The following TRPM3 variants were observed in gnomAD, a reference collection of about 807,000 sequenced individuals.
TRPM3 encodes transient receptor potential cation channel subfamily M member 3.
Under a neutral mutation model 181.2 loss-of-function variants are expected in TRPM3, and 77 were observed. The ratio of observed to expected loss-of-function variants is 0.42; its 90% CI spans 0.35 to 0.51. The LOEUF is 0.51. TRPM3 is among the 20% of genes least tolerant of loss of function. The probability of loss-of-function intolerance (pLI) is 0.01; values close to 1 mark genes in which losing one functional copy is unlikely to be tolerated. For missense variants in TRPM3, 1,759 were observed against 2,196.7 expected (o/e 0.80, Z 3.98); for synonymous variants, 745 against 796.4 (o/e 0.94, Z 1.09).
intron 1 of TRPM3, among the ~76,000 whole-genome samples, chr9:71,232,586 C>A (rs1322931910): frequency 6.8e-6 from 1 of 147,290 alleles, no homozygotes; most frequent in African/African-American, 2.5e-5. Context: ...CTGCAACCTC[C>A]GCCTCCCAGG....
intron 1 of TRPM3, among the ~76,000 whole-genome samples, chr9:71,190,282 A>G (rs992160939): frequency 6.6e-6 from 1 of 151,870 alleles, no homozygotes; most frequent in Non-Finnish European, 1.5e-5. Flanking sequence ...CTACTGAACA[A>G]AGCAGGTCAG....
At chr9:71,373,344 T>G (rs2092578770) in intron 1 of TRPM3, among the ~76,000 whole-genome samples, 1 of 149,288 alleles carries the variant, frequency 6.7e-6, no homozygotes, top group African/African-American at 2.5e-5. Flanking sequence ...CAGGAGGTGG[T>G]TTTTTGAAAA....
In TRPM3 at chr9:70,756,314, C is replaced by CA. The variant is rs1471975316; in HGVS notation, c.1272+5286dup. ...TAACTATCCTAAATATATATGCACC[C>CA]AATACAGGAGCACCCAGATTCATAA... is the stretch of plus-strand genomic sequence containing the variant. On this transcript the variant is annotated intron_variant, in intron 8 of 25. Transcript: ENST00000677713. 5.3e-5 allele frequency among the ~76,000 whole-genome samples: 8 copies of CA among 151,790 alleles called. No individual in the cohort carries two copies. The East Asian group carries it at 1.6e-3, about 29-fold the overall frequency.
Position 71,207,879 on chromosome 9 carries a change from C to T in TRPM3, c.183+238774G>A, listed in dbSNP as rs376010229. Among the ~76,000 whole-genome samples, 3 of 152,200 alleles carry T rather than the reference C, an allele frequency of 2.0e-5. No individual in the cohort carries two copies. In the East Asian group the frequency reaches 5.8e-4, roughly 29 times the overall value. On this transcript the variant is annotated intron_variant, in intron 1 of 24. Coordinates refer to the TRPM3 transcript ENST00000357533. ...CTTGGCCCCATACAGCTTAACTTCA[C>T]TTTTATTTTTTTCCTTAACTGCTCC...
chr9:70,627,172 T>C lies in TRPM3; in HGVS notation c.1633-1655A>G, dbSNP rs76851010. On this transcript the variant is annotated intron_variant, in intron 12 of 25. Coordinates refer to ENST00000677713, the MANE Select transcript of TRPM3 (RefSeq NM_001366145.2). The stretch of plus-strand genomic sequence containing the variant: ...ATTTGCTCTGAAATACAGGTAATGC[T>C]GTATCTGGAATTCAGTGGCTATCCT... Among the ~76,000 whole-genome samples, 541 of 152,138 alleles carry C rather than the reference T, an allele frequency of 3.6e-3. 4 individuals are homozygous for C. Among genetic ancestry groups the C allele is most frequent in the African/African-American group, 0.012 (510 of 41,502 alleles).
intron 1 of TRPM3, among the ~76,000 whole-genome samples, chr9:71,007,653 A>T (rs1022373590): frequency 6.6e-6 from 1 of 152,190 alleles, no homozygotes; most frequent in African/African-American, 2.4e-5. Flanking sequence ...ATAGTAAATT[A>T]AAAAATTCCT....
chr9:71,374,337 G>A (rs773408554), intron 1 of TRPM3, among the ~76,000 whole-genome samples: 3 of 152,134 alleles, frequency 2.0e-5, no homozygotes, highest in Non-Finnish European at 4.4e-5. Flanking sequence ...TCATGCCACT[G>A]CACTCCAGTC....
At chr9:71,064,031 A>G (rs1489366150) in intron 1 of TRPM3, among the ~76,000 whole-genome samples, 1 of 152,154 alleles carries the variant, frequency 6.6e-6, no homozygotes, top group Non-Finnish European at 1.5e-5. Flanking sequence ...ACAGCCAATA[A>G]GAATTTGAAA....
chr9:70,668,411 T>A (rs893565009), intron 9 of TRPM3, among the ~76,000 whole-genome samples: 3 of 152,162 alleles, frequency 2.0e-5, no homozygotes, highest in Admixed American at 6.5e-5. Flanking sequence ...ACGCCTGTAA[T>A]CCCAGCACTT....
At chr9:71,022,595 G>A (rs1009210471) in intron 1 of TRPM3, among the ~76,000 whole-genome samples, 1 of 152,100 alleles carries the variant, frequency 6.6e-6, no homozygotes, top group African/African-American at 2.4e-5. Flanking sequence ...CTACTCAGGA[G>A]ACAGAGGTGG....
chr9:70,659,002 T>C (rs1681896055), intron 9 of TRPM3, among the ~76,000 whole-genome samples: 1 of 152,166 alleles, frequency 6.6e-6, no homozygotes, highest in Admixed American at 6.6e-5. Context: ...GAAGTTAGTA[T>C]ACTCCTATGA....
At chr9:71,310,878 T>C (rs1410425042) in intron 1 of TRPM3, among the ~76,000 whole-genome samples, 1 of 152,080 alleles carries the variant, frequency 6.6e-6, no homozygotes, top group Non-Finnish European at 1.5e-5. Flanking sequence ...AATGTTTTTC[T>C]TTTTACTATG....
At chr9:71,155,377 G>GTA (rs2075939730) in intron 1 of TRPM3, among the ~76,000 whole-genome samples, 1 of 151,928 alleles carries the variant, frequency 6.6e-6, no homozygotes, top group African/African-American at 2.4e-5. Context: ...GAGTGCAATG[G>GTA]TATGATCTCA....
intron 5 of TRPM3, 188 bp downstream of exon 5, chr9:70,842,815 C>T: frequency 1.8e-6 from 1 of 561,448 alleles, no homozygotes; most frequent in Non-Finnish European, 3.0e-6. Context: ...AAGAATTGAC[C>T]TGGAGTTTGC....
At chr9:71,139,535 A>G (rs557925181) in intron 1 of TRPM3, among the ~76,000 whole-genome samples, 2 of 152,328 alleles carry the variant, frequency 1.3e-5, no homozygotes, top group East Asian at 3.9e-4. Flanking sequence ...AGATAATACT[A>G]AAAGGGTAAT....
chr9:71,213,118 G>A (rs1194157451), intron 1 of TRPM3, among the ~76,000 whole-genome samples: 1 of 152,144 alleles, frequency 6.6e-6, no homozygotes, highest in East Asian at 1.9e-4. Flanking sequence ...AAGCTTTACA[G>A]GCCATACAAT....
chr9:71,363,615 G>A (rs920963330), intron 1 of TRPM3, among the ~76,000 whole-genome samples: 28 of 152,156 alleles, frequency 1.8e-4, no homozygotes, highest in Non-Finnish European at 3.2e-4. Context: ...CATAAGCCCA[G>A]AAAACGTAAA....
chr9:71,376,387 G>A lies in TRPM3; in HGVS notation c.183+70266C>T, dbSNP rs545803615. Among the ~76,000 whole-genome samples the A allele has an allele frequency of 2.0e-5, 3 of 152,052 alleles. No individual in the cohort carries two copies. In the East Asian group the frequency reaches 5.8e-4, roughly 29 times the overall value. ...TTACATGAATATTTTAATAGAATAA[G>A]GTTATAAATATGTATCATTGCTTTC... On this transcript the variant is annotated intron_variant, in intron 1 of 24. Transcript: ENST00000357533.
intron 1 of TRPM3, among the ~76,000 whole-genome samples, chr9:71,027,377 C>A (rs2056699034): frequency 6.6e-6 from 1 of 152,184 alleles, no homozygotes; most frequent in African/African-American, 2.4e-5. Flanking sequence ...AAGAAAGAAC[C>A]ACCACAAGAA....
Sources: gnomAD v4.1 joint callset for allele counts (sites outside exome capture counted in the v4.1 genomes callset) on GRCh38, gnomAD v4.1.1 for gene constraint, MANE v1.5 for transcripts, NCBI Gene and HGNC (gene_info 2026-07-23, HGNC 2026-07-21) for gene names.